The following CSNK1G1 variants were observed in gnomAD, a reference collection of about 807,000 sequenced individuals.
The protein encoded by CSNK1G1 is casein kinase 1 gamma 1.
CSNK1G1 carries 22 observed loss-of-function variants against 59.6 expected under a neutral mutation model. The observed-to-expected ratio is 0.37, with a 90% CI of 0.26 to 0.53. The LOEUF (loss-of-function observed/expected upper bound fraction) is 0.53, where lower values mean the gene tolerates loss of function less well. Among genes scored for constraint, CSNK1G1 ranks in the 20% least tolerant of loss-of-function variants. CSNK1G1 has a pLI of 0.89. For missense variants in CSNK1G1, 384 were observed against 519.5 expected (o/e 0.74, Z 2.54); for synonymous variants, 179 against 177.1 (o/e 1.01, Z -0.08).
intron 4 of CSNK1G1, among the ~76,000 whole-genome samples, chr15:64,245,161 T>G (rs527314059): frequency 6.6e-6 from 1 of 150,944 alleles, no homozygotes; most frequent in Non-Finnish European, 1.5e-5. Flanking sequence ...GAATAAAACA[T>G]TGGGGAAATG....
rs141588237 is a variant in CSNK1G1, at chr15:64,326,501, G to A, written c.-224-25778C>T. Among the ~76,000 whole-genome samples, 779 of 152,130 alleles carry A rather than the reference G, an allele frequency of 5.1e-3. 10 individuals are homozygous for A. The highest frequency in any genetic ancestry group is 0.017 in the African/African-American group (718 of 41,510). ...TCTACTAAAAATACAACAATTAGCC[G>A]GGCATGGTGGCAGGCACCTTTAATC... On this transcript the variant is annotated intron_variant, in intron 1 of 11. Coordinates refer to ENST00000303052, the MANE Select transcript of CSNK1G1 (RefSeq NM_022048.5).
intron 2 of CSNK1G1, among the ~76,000 whole-genome samples, chr15:64,295,040 G>A (rs1404231612): frequency 6.6e-6 from 1 of 151,986 alleles, no homozygotes. Context: ...GACCATCCTG[G>A]CTAACATGGT....
At chr15:64,257,331 G>A (rs1277685058) in intron 3 of CSNK1G1, among the ~76,000 whole-genome samples, 1 of 152,080 alleles carries the variant, frequency 6.6e-6, no homozygotes, top group Non-Finnish European at 1.5e-5. Flanking sequence ...CTAACAGAAA[G>A]CCTAACAAAT....
chr15:64,232,489 T>C (rs552810892), intron 4 of CSNK1G1, among the ~76,000 whole-genome samples: 75 of 152,360 alleles, frequency 4.9e-4, no homozygotes, highest in African/African-American at 1.8e-3. Flanking sequence ...ATACAGTAGA[T>C]ACATAATTCT....
chr15:64,291,964 C>T (rs900723195), intron 2 of CSNK1G1, among the ~76,000 whole-genome samples: 5 of 151,864 alleles, frequency 3.3e-5, no homozygotes, highest in African/African-American at 1.2e-4. Flanking sequence ...TTTGGGAGGC[C>T]GAGGCAGGTG....
rs1464910840 is a variant in CSNK1G1, at chr15:64,353,622, G to C, written c.-225+2366C>G. 4.8e-5 allele frequency among the ~76,000 whole-genome samples: 7 copies of C among 146,798 alleles called. No individual in the cohort carries two copies. The Admixed American group carries it at 4.9e-4, about 10-fold the overall frequency. On this transcript the variant is annotated intron_variant, in intron 1 of 11. Coordinates refer to ENST00000303052, the MANE Select transcript of CSNK1G1 (RefSeq NM_022048.5). ...AGATCGTGCCACCACACTCCAGCCTGGGTGACAGAGTGAGACTCCATTTCA... is the reference window on the plus strand; with the variant it reads ...AGATCGTGCCACCACACTCCAGCCTCGGTGACAGAGTGAGACTCCATTTCA...
intron 3 of CSNK1G1, among the ~76,000 whole-genome samples, chr15:64,257,885 T>A (rs966215848): frequency 6.6e-6 from 1 of 152,150 alleles, no homozygotes; most frequent in African/African-American, 2.4e-5. Context: ...ATGTATTACC[T>A]CTCTTCCTGC....
At chr15:64,246,077 A>G (rs1024750533) in intron 4 of CSNK1G1, among the ~76,000 whole-genome samples, 4 of 152,216 alleles carry the variant, frequency 2.6e-5, no homozygotes, top group Admixed American at 2.6e-4. Context: ...CAAAATAGCC[A>G]GAAGAGTAGA....
intron 1 of CSNK1G1, among the ~76,000 whole-genome samples, chr15:64,343,147 G>C (rs1048200956): frequency 2.0e-5 from 3 of 150,054 alleles, no homozygotes; most frequent in African/African-American, 7.4e-5. Context: ...AGGAGGCAGA[G>C]GTTGCAGCGA....
At chr15:64,300,117 C>T (rs542423615) in intron 2 of CSNK1G1, among the ~76,000 whole-genome samples, 70 of 152,254 alleles carry the variant, frequency 4.6e-4, no homozygotes, top group African/African-American at 1.6e-3. Context: ...AAAAGCCCAT[C>T]GCACACACAT....
At chr15:64,312,409 A>G (rs1389985534) in intron 1 of CSNK1G1, among the ~76,000 whole-genome samples, 1 of 152,254 alleles carries the variant, frequency 6.6e-6, no homozygotes, top group Non-Finnish European at 1.5e-5. Flanking sequence ...AAACAGATAT[A>G]TAGACCAATG....
intron 4 of CSNK1G1, among the ~76,000 whole-genome samples, chr15:64,226,208 G>C (rs1331378793): frequency 1.3e-5 from 2 of 152,210 alleles, no homozygotes; most frequent in African/African-American, 4.8e-5. Flanking sequence ...ACAGGTAAAA[G>C]TGTGTTGTGT....
At chr15:64,242,403 C>T (rs1891521230) in intron 4 of CSNK1G1, among the ~76,000 whole-genome samples, 1 of 152,016 alleles carries the variant, frequency 6.6e-6, no homozygotes, top group Non-Finnish European at 1.5e-5. Flanking sequence ...CACTTTCCCC[C>T]GACTCCCAGT....
chr15:64,317,369 G>T (rs1458924377), intron 1 of CSNK1G1, among the ~76,000 whole-genome samples: 1 of 152,152 alleles, frequency 6.6e-6, no homozygotes, highest in Non-Finnish European at 1.5e-5. Context: ...GATTACAGGC[G>T]TGAGCCACTG....
At chr15:64,183,938 T>C (rs1007490187) in intron 10 of CSNK1G1, among the ~76,000 whole-genome samples, 1 of 152,102 alleles carries the variant, frequency 6.6e-6, no homozygotes, top group African/African-American at 2.4e-5. Flanking sequence ...GGTTTCACCA[T>C]ATTGGCCAGG....
chr15:64,189,879 C>T (rs1399125428), intron 10 of CSNK1G1, among the ~76,000 whole-genome samples: 4 of 145,266 alleles, frequency 2.8e-5, no homozygotes, highest in Admixed American at 7.2e-5. Context: ...AGTGCAGTGG[C>T]GCATTCTCGG....
intron 1 of CSNK1G1, among the ~76,000 whole-genome samples, chr15:64,337,111 C>T (rs952920109): frequency 2.0e-5 from 3 of 151,986 alleles, no homozygotes; most frequent in African/African-American, 7.3e-5. Flanking sequence ...ACCTGTAATC[C>T]CAGCTACTCA....
chr15:64,285,371 A>T (rs1221990195), intron 2 of CSNK1G1, among the ~76,000 whole-genome samples: 1 of 152,160 alleles, frequency 6.6e-6, no homozygotes, highest in Non-Finnish European at 1.5e-5. Context: ...GCCTACCAAA[A>T]AAAATTGCCC....
chr15:64,273,281 T>C (rs1044390221), intron 2 of CSNK1G1, among the ~76,000 whole-genome samples: 2 of 152,230 alleles, frequency 1.3e-5, no homozygotes, highest in African/African-American at 2.4e-5. Context: ...TGTACAATTA[T>C]TATGTGTCAG....
Sources: gnomAD v4.1 joint callset for allele counts (sites outside exome capture counted in the v4.1 genomes callset) on GRCh38, gnomAD v4.1.1 for gene constraint, MANE v1.5 for transcripts, NCBI Gene and HGNC (gene_info 2026-07-23, HGNC 2026-07-21) for gene names.